Variants in SETBP1 observed in about 807,000 individuals in gnomAD.
The protein encoded by SETBP1 is SET-binding protein.
SETBP1 carries 9 observed loss-of-function variants against 101.0 expected under a neutral mutation model. The observed-to-expected ratio is 0.09, with a 90% confidence interval of 0.05 to 0.16. The LOEUF is 0.16. Ranked by LOEUF, SETBP1 falls within the 10% of genes least tolerant of loss-of-function variation. The pLI, the probability that SETBP1 is intolerant of heterozygous loss-of-function variation, is 1.00. For missense variants in SETBP1, 1,858 were observed against 2,033.8 expected (o/e 0.91, Z 1.66); for synonymous variants, 818 against 788.5 (o/e 1.04, Z -0.63).
At chr18:44,817,789 G>T (rs1568162301) in intron 2 of SETBP1, among the ~76,000 whole-genome samples, 1 of 152,206 alleles carries the variant, frequency 6.6e-6, no homozygotes, top group Non-Finnish European at 1.5e-5. Context: ...AGTCTTCTTG[G>T]TTGAGGAGGA....
chr18:44,813,510 T>C (rs2071908439), intron 2 of SETBP1, among the ~76,000 whole-genome samples: 1 of 152,160 alleles, frequency 6.6e-6, no homozygotes, highest in African/African-American at 2.4e-5. Context: ...CATGCTAGAC[T>C]GGGAGCAGGG....
At chr18:44,759,299 A>G (rs1454435513) in intron 2 of SETBP1, among the ~76,000 whole-genome samples, 1 of 152,184 alleles carries the variant, frequency 6.6e-6, no homozygotes, top group African/African-American at 2.4e-5. Flanking sequence ...GCAGACCTTT[A>G]TGGCTCTGCA....
intron 3 of SETBP1, among the ~76,000 whole-genome samples, chr18:44,933,365 G>T (rs2070881218): frequency 6.6e-6 from 1 of 152,208 alleles, no homozygotes; most frequent in Non-Finnish European, 1.5e-5. Flanking sequence ...GGCCCCTACT[G>T]GGAGGTGTCT....
intron 5 of SETBP1, among the ~76,000 whole-genome samples, chr18:45,051,617 C>T (rs906116355): frequency 6.6e-6 from 1 of 152,138 alleles, no homozygotes; most frequent in African/African-American, 2.4e-5. Flanking sequence ...CCATTCCTTC[C>T]CCCGCTTCTC....
chr18:44,820,311 T>C (rs371873772), intron 2 of SETBP1, among the ~76,000 whole-genome samples: 1 of 152,224 alleles, frequency 6.6e-6, no homozygotes, highest in Non-Finnish European at 1.5e-5. Context: ...GTAAATGTTC[T>C]GGGGGAGGAC....
chr18:44,963,349 T>C lies in SETBP1; in HGVS notation c.4000+10009T>C, dbSNP rs116299245. 4.1e-3 allele frequency among the ~76,000 whole-genome samples: 631 copies of C among 152,258 alleles called. 6 individuals carry two copies. Among genetic ancestry groups the C allele is most frequent in the African/African-American group, 0.014 (594 of 41,540 alleles). On this transcript the variant is annotated intron_variant, in intron 4 of 5. Transcript: ENST00000649279. Reference sequence around the variant, plus strand: ...AAAGGGAGCTCTTTGGAACTGGGGTTAGCCAAGCCCAGGGTCTAATGTCAA... The same window carrying C: ...AAAGGGAGCTCTTTGGAACTGGGGTCAGCCAAGCCCAGGGTCTAATGTCAA...
rs968029233 is a variant in SETBP1, at chr18:45,058,993, C to T, written c.4172-4086C>T. 7.2e-5 allele frequency among the ~76,000 whole-genome samples: 11 copies of T among 152,262 alleles called. No homozygotes were observed. The South Asian group carries it at 8.3e-4, about 11-fold the overall frequency. On this transcript the variant is annotated intron_variant, in intron 5 of 5. Transcript: ENST00000649279. ...CAAAAAATATTTAGGTGAAATAAAG[C>T]CCCAAGAGGGTGAAAATTAGAGCAC...
chr18:45,000,090 C>T (rs1400347391), intron 4 of SETBP1, among the ~76,000 whole-genome samples: 1 of 152,244 alleles, frequency 6.6e-6, no homozygotes, highest in African/African-American at 2.4e-5. Flanking sequence ...GCAGTGCACT[C>T]TAACCTCCTC....
At chr18:44,910,896 C>T (rs1186274397) in intron 3 of SETBP1, among the ~76,000 whole-genome samples, 1 of 152,132 alleles carries the variant, frequency 6.6e-6, no homozygotes, top group Non-Finnish European at 1.5e-5. Context: ...ACACCCTTTT[C>T]ATCCACCCTA....
intron 4 of SETBP1, among the ~76,000 whole-genome samples, chr18:45,003,226 A>G (rs1247985905): frequency 6.6e-6 from 1 of 152,214 alleles, no homozygotes; most frequent in Non-Finnish European, 1.5e-5. Context: ...CTTGTGCACA[A>G]TTCTAGGGAA....
intron 5 of SETBP1, among the ~76,000 whole-genome samples, chr18:45,052,194 C>T (rs752583516): frequency 1.6e-4 from 25 of 152,138 alleles, no homozygotes; most frequent in Non-Finnish European, 3.1e-4. Flanking sequence ...ATAGAGTTTA[C>T]GAAGAGCGTT....
chr18:45,004,022 G>A (rs1294483336), intron 4 of SETBP1, among the ~76,000 whole-genome samples: 4 of 152,168 alleles, frequency 2.6e-5, no homozygotes, highest in African/African-American at 9.7e-5. Flanking sequence ...AGAAGCCAGG[G>A]ATGCTGCTGA....
chr18:44,907,264 A>C (rs2070196646), intron 3 of SETBP1, among the ~76,000 whole-genome samples: 1 of 152,200 alleles, frequency 6.6e-6, no homozygotes, highest in Admixed American at 6.5e-5. Flanking sequence ...GCTGATAGAC[A>C]TTCTGGTTGG....
chr18:44,890,272 T>C (rs1424896003), intron 3 of SETBP1, among the ~76,000 whole-genome samples: 1 of 152,058 alleles, frequency 6.6e-6, no homozygotes, highest in Non-Finnish European at 1.5e-5. Flanking sequence ...CCCCCAAGGA[T>C]GTTTTGTTTT....
intron 2 of SETBP1, among the ~76,000 whole-genome samples, chr18:44,781,631 GA>G (rs1051731022): frequency 2.0e-5 from 3 of 151,832 alleles, no homozygotes; most frequent in African/African-American, 7.3e-5. Flanking sequence ...AGGAATGAAT[GA>G]ATGAAGAAAT....
At chr18:44,898,553 G>A (rs2069962064) in intron 3 of SETBP1, among the ~76,000 whole-genome samples, 1 of 152,010 alleles carries the variant, frequency 6.6e-6, no homozygotes, top group African/African-American at 2.4e-5. Context: ...TTCTCTCAAG[G>A]GGCCCCAATT....
intron 2 of SETBP1, among the ~76,000 whole-genome samples, chr18:44,800,045 CAG>C (rs1212578426): frequency 6.6e-6 from 1 of 152,106 alleles, no homozygotes; most frequent in African/African-American, 2.4e-5. Context: ...CATTCCCTAC[CAG>C]AGTTAATATT....
intron 4 of SETBP1, among the ~76,000 whole-genome samples, chr18:45,007,859 C>T (rs1187008609): frequency 6.6e-6 from 1 of 152,156 alleles, no homozygotes; most frequent in South Asian, 2.1e-4. Flanking sequence ...GCTGACCCAC[C>T]TCAGGTCAGA....
chr18:44,956,709 A>G (rs928177766), intron 4 of SETBP1, among the ~76,000 whole-genome samples: 1 of 152,256 alleles, frequency 6.6e-6, no homozygotes, highest in Non-Finnish European at 1.5e-5. Flanking sequence ...CCCTGAGATC[A>G]GAGCTGATGA....
Sources: gnomAD v4.1 joint callset for allele counts (sites outside exome capture counted in the v4.1 genomes callset) on GRCh38, gnomAD v4.1.1 for gene constraint, MANE v1.5 for transcripts, NCBI Gene and HGNC (gene_info 2026-07-23, HGNC 2026-07-21) for gene names.